ZNF536: variants seen among roughly 807,000 people sequenced by gnomAD.
ZNF536 encodes the protein zinc finger protein 536.
Under a neutral mutation model 84.5 loss-of-function variants are expected in ZNF536, and 13 were observed. The observed-to-expected ratio is 0.15, with a 90% CI of 0.10 to 0.24. ZNF536 has a LOEUF of 0.24. Ranked by LOEUF, ZNF536 falls within the 10% of genes least tolerant of loss-of-function variation. The pLI, the probability that ZNF536 is intolerant of heterozygous loss-of-function variation, is 1.00. For missense variants in ZNF536, 1,536 were observed against 1,747.5 expected (o/e 0.88, Z 2.16); for synonymous variants, 811 against 742.5 (o/e 1.09, Z -1.50).
chr19:30,526,483 G>C (rs2145806536), intron 2 of ZNF536, among the ~76,000 whole-genome samples: 1 of 125,290 alleles, frequency 8.0e-6, no homozygotes, highest in South Asian at 2.2e-4. Flanking sequence ...CCAGCACTTT[G>C]GGAGGCCGAG....
rs1450014306 is a variant in ZNF536, at chr19:30,549,172, A to G, written c.3553A>G (p.Thr1185Ala). 1 of 1,613,906 alleles carries G rather than the reference A, an allele frequency of 6.2e-7. No homozygotes were observed. The highest frequency in any genetic ancestry group is 1.7e-5 in the Admixed American group (1 of 60,024). ...GAACAACGATGAAGAGGATGTTGAA[A>G]CCGAACCGGAAATGATGACCAAGCC... ...GENNDEEDVE[T>A]EPEMMTKPLS... is the part of the protein sequence containing the mutation. Residue 1185 changes from threonine to alanine, a missense_variant, in exon 4 of 5, where the codon ACC (threonine) becomes GCC (alanine). By Grantham distance (58) the Thr-to-Ala change is moderately conservative. Coordinates refer to ENST00000355537, the MANE Select transcript of ZNF536 (RefSeq NM_014717.3).
chr19:30,633,127 AG>A (rs1212073468), intron 1 of ZNF536, among the ~76,000 whole-genome samples: 9 of 152,256 alleles, frequency 5.9e-5, no homozygotes, highest in Admixed American at 4.6e-4. Flanking sequence ...AACAGCCAAA[AG>A]TCTTCAATCT....
intron 2 of ZNF536, among the ~76,000 whole-genome samples, chr19:30,494,840 G>C (rs1377749066): frequency 1.3e-4 from 19 of 151,656 alleles, no homozygotes. Context: ...CAGCTGCTTG[G>C]GAGGCTGAGG....
chr19:30,419,946 C>T (rs543868768), intron 1 of ZNF536, among the ~76,000 whole-genome samples: 1 of 152,302 alleles, frequency 6.6e-6, no homozygotes, highest in Non-Finnish European at 1.5e-5. Flanking sequence ...CCGGGTGCTG[C>T]TTCTGGAGGC....
chr19:30,432,018 T>TATATATATATATATATAC, intron 1 of ZNF536, among the ~76,000 whole-genome samples: 1 of 145,710 alleles, frequency 6.9e-6, no homozygotes, highest in South Asian at 2.2e-4. Context: ...CACACACACA[T>TATATATATATATATATAC]ACACACACAC....
In ZNF536 at chr19:30,388,180, C is replaced by T. The variant is rs546731058; in HGVS notation, c.-3+15624C>T. Among the ~76,000 whole-genome samples, 167 of 152,262 alleles carry T rather than the reference C, an allele frequency of 1.1e-3. 1 individual carries two copies. The highest frequency in any genetic ancestry group is 3.7e-3 in the African/African-American group (154 of 41,550). On this transcript the variant is annotated intron_variant, in intron 1 of 4. Transcript: ENST00000355537. ...TCCCGGGGGAGTGAGTCAGAATGAA[C>T]GGTGGCCTACTTCAGTCAACCTGAG...
intron 1 of ZNF536, among the ~76,000 whole-genome samples, chr19:30,238,947 A>C (rs888859125): frequency 2.0e-4 from 31 of 152,240 alleles, no homozygotes; most frequent in African/African-American, 6.5e-4. Flanking sequence ...ATGAAGTATA[A>C]AATTAATGAG....
chr19:30,701,248 A>AAC (rs1301846647), intron 1 of ZNF536, among the ~76,000 whole-genome samples: 1 of 146,830 alleles, frequency 6.8e-6, no homozygotes, highest in East Asian at 2.1e-4. Context: ...CACAAACACA[A>AAC]ACACACACAC....
Position 30,295,264 on chromosome 19 carries a change from G to A in ZNF536, c.-120+11123G>A, listed in dbSNP as rs538734142. Among the ~76,000 whole-genome samples, 35 of 151,736 alleles carry A rather than the reference G, an allele frequency of 2.3e-4. No individual in the cohort carries two copies. In the East Asian group the frequency reaches 5.8e-3, roughly 25 times the overall value. ...ACAACACAGGGAGCTTTTAAGACCC[G>A]CCAATGTCTAGGTCTGCTCCCAGGC... On this transcript the variant is annotated intron_variant, in intron 2 of 5. Coordinates refer to the ZNF536 transcript ENST00000585628.
At chr19:30,528,722 G>A (rs1370306770) in intron 2 of ZNF536, among the ~76,000 whole-genome samples, 1 of 152,124 alleles carries the variant, frequency 6.6e-6, no homozygotes, top group African/African-American at 2.4e-5. Flanking sequence ...GGCACACTCT[G>A]TCTTCATTTC....
intron 2 of ZNF536, among the ~76,000 whole-genome samples, chr19:30,317,498 G>T (rs2046719323): frequency 6.6e-6 from 1 of 152,192 alleles, no homozygotes; most frequent in African/African-American, 2.4e-5. Context: ...GAAGTCCAGC[G>T]GCCCGAGGAG....
intron 1 of ZNF536, among the ~76,000 whole-genome samples, chr19:30,624,889 T>C (rs1470060800): frequency 6.6e-6 from 1 of 152,200 alleles, no homozygotes; most frequent in Admixed American, 6.5e-5. Context: ...CTGAGGGTTT[T>C]ATAAGTGTTT....
chr19:30,466,214 C>A (rs1276285162), intron 2 of ZNF536, among the ~76,000 whole-genome samples: 1 of 151,182 alleles, frequency 6.6e-6, no homozygotes, highest in Non-Finnish European at 1.5e-5. Context: ...CACAATGAGA[C>A]CCTGTCTAAA....
At chr19:30,546,319 G>A (rs1599758220) in intron 3 of ZNF536, among the ~76,000 whole-genome samples, 1 of 152,362 alleles carries the variant, frequency 6.6e-6, no homozygotes, top group Non-Finnish European at 1.5e-5. Context: ...CATTGGTCTA[G>A]CTAGAGATGA....
Position 30,431,999 on chromosome 19 carries a change from A to G in ZNF536, c.-2-11562A>G, listed in dbSNP as rs1352955641. Among the ~76,000 whole-genome samples, 4 of 144,198 alleles carry G rather than the reference A, an allele frequency of 2.8e-5. 1 individual carries two copies. In the Admixed American group the frequency reaches 2.8e-4, roughly 10 times the overall value. 94.6% of individuals were successfully genotyped at this position (144,198 alleles called of 152,430 possible). On this transcript the variant is annotated intron_variant, in intron 1 of 4. Coordinates refer to ENST00000355537, the MANE Select transcript of ZNF536 (RefSeq NM_014717.3). ...TATACCATTCATTAAAAGCATATATATATATATACACACACACATACACAC... is the reference window on the plus strand; with the variant it reads ...TATACCATTCATTAAAAGCATATATGTATATATACACACACACATACACAC...
Position 30,522,726 on chromosome 19 carries a change from C to G in ZNF536, c.2171-12121C>G, listed in dbSNP as rs1243867652. 2.6e-5 allele frequency among the ~76,000 whole-genome samples: 4 copies of G among 152,210 alleles called. No individual in the cohort carries two copies. The East Asian group carries it at 7.7e-4, about 29-fold the overall frequency. ...TCCTTGTAGAAATCATTTTGGTCCCCTGTCTTAAATTTTAAGATGTTCATT... is the reference window on the plus strand; with the variant it reads ...TCCTTGTAGAAATCATTTTGGTCCCGTGTCTTAAATTTTAAGATGTTCATT... On this transcript the variant is annotated intron_variant, in intron 2 of 4. Coordinates refer to ENST00000355537, the MANE Select transcript of ZNF536 (RefSeq NM_014717.3).
rs141529260 is a variant in ZNF536 at position 30,659,900 on chromosome 19, T to C, written c.170-50857T>C. Among the ~76,000 whole-genome samples, 806 of 152,174 alleles carry C rather than the reference T, an allele frequency of 5.3e-3. 2 individuals carry two copies. Among genetic ancestry groups the C allele is most frequent in the Non-Finnish European group, 9.1e-3 (622 of 68,024 alleles). The stretch of plus-strand genomic sequence containing the variant: ...TAGAGTGAGCACTTGGACTCACCTT[T>C]CTGCAGAGTCTGATTATGTTCAGTC... On this transcript the variant is annotated intron_variant, in intron 1 of 1. Transcript: ENST00000592773.
chr19:30,644,056 G>A (rs986771428), intron 1 of ZNF536, among the ~76,000 whole-genome samples: 1 of 152,198 alleles, frequency 6.6e-6, no homozygotes, highest in Non-Finnish European at 1.5e-5. Context: ...AGAGACAAGT[G>A]TTTAAAATGG....
chr19:30,686,925 C>T (rs2051211559), intron 1 of ZNF536, among the ~76,000 whole-genome samples: 1 of 152,182 alleles, frequency 6.6e-6, no homozygotes, highest in Non-Finnish European at 1.5e-5. Flanking sequence ...AGTTACATTA[C>T]ACTGTGTCTT....
Sources: allele counts gnomAD v4.1 joint callset (sites outside exome capture counted in the v4.1 genomes callset), GRCh38; gene constraint gnomAD v4.1.1; transcripts MANE v1.5; gene names NCBI Gene and HGNC (gene_info 2026-07-23, HGNC 2026-07-21).